Variants in TK1 observed in about 807,000 individuals in gnomAD.
TK1 encodes the protein thymidine kinase, cytosolic.
Under a neutral mutation model 22.4 loss-of-function variants are expected in TK1, and 13 were observed. The ratio of observed to expected loss-of-function variants is 0.58; its 90% CI spans 0.38 to 0.92. TK1 has a LOEUF of 0.92. Among genes scored for constraint, TK1 ranks in the 40% least tolerant of loss-of-function variants. The pLI is 0.00. For synonymous variants in TK1, 134 were observed against 125.4 expected (o/e 1.07, Z -0.46); for missense variants, 251 against 315.7 (o/e 0.80, Z 1.55).
At position 78,185,086 on chromosome 17, in the gene TK1, G is replaced by A. The variant is rs2075771644; in HGVS notation, c.178C>T (p.Arg60Cys). Residue 60 changes from arginine (R) to cysteine (C), a missense_variant, in exon 3 of 7, where the codon CGC (arginine) becomes TGC (cysteine). Transcript: ENST00000301634. Reference sequence around the variant, plus strand: ...TGTGTGCAGAAGCTGCTGCTGTAGCGAGTGTCTTTGGCATACTTGATCACC... The same window carrying A: ...TGTGTGCAGAAGCTGCTGCTGTAGCAAGTGTCTTTGGCATACTTGATCACC... ...CLVIKYAKDT[R>C]YSSSFCTHDR... is the part of the protein sequence containing the mutation. 18 of 1,612,384 alleles carry A rather than the reference G, an allele frequency of 1.1e-5. No homozygotes were observed. The highest frequency in any genetic ancestry group is 1.4e-5 in the Non-Finnish European group (17 of 1,179,624).
chr17:78,186,868 G>C, intron 1 of TK1, 50 bp from the exon 2 acceptor site: 1 of 1,568,776 alleles, frequency 6.4e-7, no homozygotes, highest in Non-Finnish European at 8.6e-7. Context: ...GCGGATGCCT[G>C]GACACAGGCT....
intron 4 of TK1, 83 bp from the exon 5 acceptor site, chr17:78,175,701 A>T (rs2075694127): frequency 8.1e-7 from 1 of 1,242,056 alleles, no homozygotes; most frequent in Admixed American, 2.0e-5. Context: ...ACGCTGCCAG[A>T]TCTGACAACT....
At chr17:78,176,627 G>A (rs950778905) in intron 4 of TK1, among the ~76,000 whole-genome samples, 5 of 152,094 alleles carry the variant, frequency 3.3e-5, no homozygotes, top group African/African-American at 1.2e-4. Context: ...CCATGCACTC[G>A]TTCCCTCTTT....
At chr17:78,187,126 C>A, upstream of TK1, 1 of 1,079,328 alleles carries the variant, frequency 9.3e-7, no homozygotes, top group Non-Finnish European at 1.4e-6. Context: ...GCCATGGGGC[C>A]AATCAGCGCC....
At position 78,174,597 on chromosome 17, in the gene TK1, T is replaced by C; in HGVS notation, c.*162A>G. ...CCAGTGGGTAGGAGAGGAGGGAGCATGCGGCAGGTGGGGCAGCCACACAAA... is the reference window on the plus strand; with the variant it reads ...CCAGTGGGTAGGAGAGGAGGGAGCACGCGGCAGGTGGGGCAGCCACACAAA... On this transcript the variant is annotated 3_prime_UTR_variant, in exon 7 of 7. Transcript: ENST00000301634. The C allele has an allele frequency of 1.3e-6, 1 of 748,344 alleles. No homozygotes were observed. The highest frequency in any genetic ancestry group is 2.9e-5 in the Admixed American group (1 of 34,096). 46.4% of individuals were successfully genotyped at this position (748,344 alleles called of 1,614,324 possible). A position where few individuals can be genotyped will look rare whatever the true frequency, so the allele number is the denominator to read the frequency against.
At chr17:78,183,419 C>T (rs1391235621) in intron 3 of TK1, among the ~76,000 whole-genome samples, 1 of 152,126 alleles carries the variant, frequency 6.6e-6, no homozygotes, top group Non-Finnish European at 1.5e-5. Flanking sequence ...TGTATTCTGG[C>T]CAGACACAGC....
intron 3 of TK1, among the ~76,000 whole-genome samples, chr17:78,183,963 C>T (rs2145829056): frequency 6.6e-6 from 1 of 152,328 alleles, no homozygotes; most frequent in Admixed American, 6.5e-5. Context: ...TGACTTGTGA[C>T]ACACGGGCAG....
At chr17:78,182,087 A>C (rs753942156) in intron 4 of TK1, among the ~76,000 whole-genome samples, 2 of 152,056 alleles carry the variant, frequency 1.3e-5, no homozygotes, top group Non-Finnish European at 2.9e-5. Flanking sequence ...TTAAAAAGGT[A>C]CAATGGCCAG....
chr17:78,175,787 G>A (rs1214428842), intron 4 of TK1, among the ~76,000 whole-genome samples, 169 bp from the exon 5 acceptor site: 4 of 152,016 alleles, frequency 2.6e-5, no homozygotes, highest in South Asian at 2.1e-4. Context: ...CCACCCGCAC[G>A]CCCCCCAGCA....
At chr17:78,182,844 G>A (rs534186156) in intron 3 of TK1, among the ~76,000 whole-genome samples, 162 bp from the exon 4 acceptor site, 19 of 152,276 alleles carry the variant, frequency 1.2e-4, no homozygotes, top group African/African-American at 2.6e-4. Flanking sequence ...AAAGGCCCTC[G>A]TCCAGAAAAC....
chr17:78,180,487 A>G (rs1296389934), intron 4 of TK1, among the ~76,000 whole-genome samples: 1 of 152,258 alleles, frequency 6.6e-6, no homozygotes, highest in African/African-American at 2.4e-5. Flanking sequence ...AGCAGAGGAA[A>G]GAAAACTAAG....
At chr17:78,179,421 A>C in intron 4 of TK1, 4 of 985,434 alleles carry the variant, frequency 4.1e-6, no homozygotes, top group Non-Finnish European at 4.8e-6. Context: ...GCACCTCTGA[A>C]GGTCAGAAAC....
intron 3 of TK1, 132 bp downstream of exon 3, chr17:78,184,923 C>T (rs2075769925): frequency 2.7e-6 from 2 of 731,082 alleles, no homozygotes; most frequent in African/African-American, 1.7e-5. Context: ...TTGCCAAGCA[C>T]CTTGGAAAGT....
At chr17:78,183,056 A>G (rs2075748923) in intron 3 of TK1, among the ~76,000 whole-genome samples, 2 of 152,150 alleles carry the variant, frequency 1.3e-5, no homozygotes, top group East Asian at 3.8e-4. Context: ...TTTAGCAGAC[A>G]TGGGGTTTCA....
At position 78,174,530 on chromosome 17, in the gene TK1, TG is replaced by T. The variant is rs2075682927; in HGVS notation, c.*228del. On this transcript the variant is annotated 3_prime_UTR_variant, in exon 7 of 7. Transcript: ENST00000301634. Reference sequence around the variant, plus strand: ...CCACCAAGCGGGGCCAGCTCCAGCCTGGGCGATCGTCCCAGCAGCTGAGAGG... The same window carrying T: ...CCACCAAGCGGGGCCAGCTCCAGCCTGGCGATCGTCCCAGCAGCTGAGAGG... 2 of 562,110 alleles carry T rather than the reference TG, an allele frequency of 3.6e-6. No homozygotes were observed. The highest frequency in any genetic ancestry group is 3.4e-5 in the Admixed American group (1 of 29,192). The allele number at this position is 562,110 out of a possible 1,614,324, so 34.8% of individuals were successfully genotyped here.
rs561352071 is a variant in TK1, at chr17:78,179,170, C to T, written c.303+3419G>A. 1.2e-3 allele frequency: 1,200 copies of T among 985,342 alleles called. 1 individual carries two copies. The highest frequency in any genetic ancestry group is 1.4e-3 in the Non-Finnish European group (1,135 of 829,898). 61.0% of individuals were successfully genotyped at this position (985,342 alleles called of 1,614,324 possible). A position where few individuals can be genotyped will look rare whatever the true frequency, so the allele number is the denominator to read the frequency against. ...AACAGAGCTATTGAACAACTCACAG[C>T]GGCAGGTCTGAAGGAGGGAGAGCCT... is the stretch of plus-strand genomic sequence containing the variant. On this transcript the variant is annotated intron_variant, in intron 4 of 6. Transcript: ENST00000301634.
At chr17:78,186,131 G>C (rs1250900454) in intron 2 of TK1, among the ~76,000 whole-genome samples, 3 of 152,032 alleles carry the variant, frequency 2.0e-5, no homozygotes, top group African/African-American at 7.3e-5. Context: ...GTGGAGGCGG[G>C]GGGGTGCACG....
intron 4 of TK1, among the ~76,000 whole-genome samples, chr17:78,178,897 G>C (rs754222314): frequency 1.3e-5 from 2 of 152,204 alleles, no homozygotes; most frequent in African/African-American, 2.4e-5. Context: ...AGGGCACACA[G>C]AGGCCAGGGC....
chr17:78,181,049 GA>G (rs1475767859), intron 4 of TK1, among the ~76,000 whole-genome samples: 1 of 152,164 alleles, frequency 6.6e-6, no homozygotes, highest in Non-Finnish European at 1.5e-5. Flanking sequence ...AGGAGTTCCA[GA>G]CCAGCTGGCC....
Sources: gnomAD v4.1 joint callset for allele counts (sites outside exome capture counted in the v4.1 genomes callset) on GRCh38, gnomAD v4.1.1 for gene constraint, MANE v1.5 for transcripts, NCBI Gene and HGNC (gene_info 2026-07-23, HGNC 2026-07-21) for gene names.